Variants in ATF6 observed in about 807,000 individuals in gnomAD.
ATF6 encodes the protein cyclic AMP-dependent transcription factor ATF-6 alpha.
Under a neutral mutation model 83.6 loss-of-function variants are expected in ATF6, and 53 were observed. The observed-to-expected ratio is 0.63, with a 90% CI of 0.51 to 0.80. The LOEUF (loss-of-function observed/expected upper bound fraction) is 0.80, where lower values mean the gene tolerates loss of function less well. Among genes scored for constraint, ATF6 ranks in the 30% least tolerant of loss-of-function variants. The probability of loss-of-function intolerance (pLI) is 0.00; values close to 1 mark genes in which losing one functional copy is unlikely to be tolerated. For missense variants in ATF6, 744 were observed against 797.9 expected, an observed-to-expected ratio of 0.93 and a Z score of 0.81; for synonymous variants, 288 against 285.8, an observed-to-expected ratio of 1.01 and a Z score of -0.08.
intron 14 of ATF6, among the ~76,000 whole-genome samples, chr1:161,865,049 G>A (rs1380409445): frequency 1.3e-5 from 2 of 152,124 alleles, no homozygotes; most frequent in Admixed American, 1.3e-4. Flanking sequence ...GATCAAAACA[G>A]TATAACAGAT....
chr1:161,886,705 T>C (rs933342304), intron 14 of ATF6, among the ~76,000 whole-genome samples: 5 of 152,256 alleles, frequency 3.3e-5, no homozygotes, highest in African/African-American at 1.2e-4. Flanking sequence ...CACATCATTA[T>C]GTGGTGCGTA....
chr1:161,931,203 G>GT (rs1199608454), intron 15 of ATF6, among the ~76,000 whole-genome samples: 1 of 152,104 alleles, frequency 6.6e-6, no homozygotes, highest in African/African-American at 2.4e-5. Flanking sequence ...TATTTGTTCT[G>GT]TTTTTAAGGA....
At chr1:161,775,149 G>T (rs1264650299) in intron 1 of ATF6, among the ~76,000 whole-genome samples, 3 of 152,110 alleles carry the variant, frequency 2.0e-5, no homozygotes, top group African/African-American at 7.2e-5. Flanking sequence ...TAAAATGAGG[G>T]TATACATTAT....
intron 9 of ATF6, among the ~76,000 whole-genome samples, chr1:161,834,806 T>C (rs535834049): frequency 6.6e-6 from 1 of 152,206 alleles, no homozygotes; most frequent in African/African-American, 2.4e-5. Flanking sequence ...AAAATAGATA[T>C]ACTTGAAGAA....
chr1:161,860,932 G>A (rs933931205), intron 13 of ATF6, among the ~76,000 whole-genome samples: 1 of 152,148 alleles, frequency 6.6e-6, no homozygotes, highest in Non-Finnish European at 1.5e-5. Flanking sequence ...TGGTGTCATG[G>A]TTAAGATGCT....
chr1:161,917,020 C>A (rs1016383854), intron 15 of ATF6, among the ~76,000 whole-genome samples: 5 of 152,202 alleles, frequency 3.3e-5, no homozygotes, highest in Admixed American at 2.6e-4. Context: ...TATCCAGCTT[C>A]TCCTCTTCTG....
chr1:161,850,389 C>G (rs1218460087), intron 10 of ATF6, among the ~76,000 whole-genome samples: 3 of 152,022 alleles, frequency 2.0e-5, no homozygotes, highest in African/African-American at 7.3e-5. Flanking sequence ...ATGCTCTTAC[C>G]CCAGTTTCTA....
intron 14 of ATF6, among the ~76,000 whole-genome samples, chr1:161,894,310 C>T (rs1687623149): frequency 6.9e-6 from 1 of 145,478 alleles, no homozygotes; most frequent in Non-Finnish European, 1.5e-5. Context: ...AAAACTAAAA[C>T]ATGAAGACCA....
In ATF6 at chr1:161,946,620, G is replaced by A. The variant is rs545156141; in HGVS notation, c.1805-11826G>A. Among the ~76,000 whole-genome samples, 4 of 152,290 alleles carry A rather than the reference G, an allele frequency of 2.6e-5. No homozygotes were observed. In the South Asian group the frequency reaches 8.3e-4, roughly 32 times the overall value. ...TTGCATACATTCTGCAAAGCCCTTG[G>A]GGGATGGAGCAGGCCTAGTTTTTGG... On this transcript the variant is annotated intron_variant, in intron 15 of 15. Transcript: ENST00000367942.
intron 15 of ATF6, among the ~76,000 whole-genome samples, chr1:161,921,594 A>C (rs116703392): frequency 0.013 from 1,976 of 152,316 alleles, 48 homozygotes; most frequent in African/African-American, 0.044. Context: ...TTTTGAGACC[A>C]GACCACTGAG....
rs779476884 is a variant in ATF6 at position 161,819,752 on chromosome 1, A to G, written c.1029A>G (p.Ser343=). Residue 343 remains serine, a synonymous_variant, in exon 8 of 16, where the codon TCA becomes TCG. Transcript: ENST00000367942. ...AGGCGAGATTAAAGGCTGCCCTCTC[A>G]GAAAACGAGCAACTGAAGAAAGAAA... ...GLEARLKAAL[S]ENEQLKKENG... is the part of the protein sequence containing the mutation. 8.1e-6 allele frequency: 13 copies of G among 1,612,984 alleles called. No individual in the cohort carries two copies. The highest frequency in any genetic ancestry group is 9.3e-6 in the Non-Finnish European group (11 of 1,179,526).
intron 14 of ATF6, among the ~76,000 whole-genome samples, chr1:161,877,349 A>G (rs899370534): frequency 5.9e-5 from 9 of 152,106 alleles, no homozygotes; most frequent in Admixed American, 5.9e-4. Flanking sequence ...CACACAATGG[A>G]CTCAGAGAAT....
At chr1:161,844,846 T>G (rs1037081449) in intron 9 of ATF6, among the ~76,000 whole-genome samples, 1 of 152,216 alleles carries the variant, frequency 6.6e-6, no homozygotes, top group Admixed American at 6.5e-5. Flanking sequence ...TAAATACTCA[T>G]CAGGGTGACT....
chr1:161,906,515 G>A (rs1687880030), intron 14 of ATF6, among the ~76,000 whole-genome samples: 1 of 152,194 alleles, frequency 6.6e-6, no homozygotes. Context: ...GGCAGGGTTA[G>A]TTGGGCAGTT....
intron 1 of ATF6, among the ~76,000 whole-genome samples, chr1:161,771,413 C>A (rs1684386136): frequency 6.6e-6 from 1 of 152,178 alleles, no homozygotes; most frequent in South Asian, 2.1e-4. Context: ...TCCCGTAATG[C>A]CCCGGTGAAC....
chr1:161,944,084 G>A (rs1688703097), intron 15 of ATF6, among the ~76,000 whole-genome samples: 1 of 152,158 alleles, frequency 6.6e-6, no homozygotes, highest in African/African-American at 2.4e-5. Flanking sequence ...AAATGATATG[G>A]TATAGCAGCA....
At chr1:161,878,060 CAA>C (rs776055160) in intron 14 of ATF6, among the ~76,000 whole-genome samples, 27 of 152,154 alleles carry the variant, frequency 1.8e-4, no homozygotes, top group African/African-American at 5.8e-4. Context: ...ATCTGGGACT[CAA>C]GAGAGGATAG....
chr1:161,910,382 C>T (rs570719389), intron 14 of ATF6, among the ~76,000 whole-genome samples: 1 of 152,176 alleles, frequency 6.6e-6, no homozygotes, highest in South Asian at 2.1e-4. Flanking sequence ...TGTAATAATT[C>T]GTATGCATGC....
chr1:161,833,475 C>T (rs1458099204), intron 9 of ATF6, among the ~76,000 whole-genome samples: 4 of 151,798 alleles, frequency 2.6e-5, no homozygotes, highest in African/African-American at 4.8e-5. Flanking sequence ...GGAGGAAGTT[C>T]GAACCAATGG....
Sources: gnomAD v4.1 joint callset for allele counts (sites outside exome capture counted in the v4.1 genomes callset) on GRCh38, gnomAD v4.1.1 for gene constraint, MANE v1.5 for transcripts, NCBI Gene and HGNC (gene_info 2026-07-23, HGNC 2026-07-21) for gene names.